Variants in TMEM132B observed in about 807,000 individuals in gnomAD.
TMEM132B encodes the protein transmembrane protein 132B.
A neutral mutation model predicts 90.8 loss-of-function variants in TMEM132B; 18 were observed. The observed-to-expected ratio is 0.20, with a 90% CI of 0.14 to 0.29. TMEM132B has a LOEUF of 0.29. Among genes scored for constraint, TMEM132B ranks in the 10% least tolerant of loss-of-function variants. TMEM132B has a pLI of 1.00. For missense variants in TMEM132B, 1,096 were observed against 1,326.8 expected (o/e 0.83, Z 2.70); for synonymous variants, 504 against 523.3 (o/e 0.96, Z 0.50).
At chr12:125,370,872 A>G (rs1878274049) in intron 2 of TMEM132B, among the ~76,000 whole-genome samples, 1 of 152,256 alleles carries the variant, frequency 6.6e-6, no homozygotes, top group Non-Finnish European at 1.5e-5. Context: ...GGACAGAACT[A>G]ATAGGATATA....
intron 1 of TMEM132B, among the ~76,000 whole-genome samples, chr12:125,329,506 C>T (rs1876699505): frequency 6.6e-6 from 1 of 152,226 alleles, no homozygotes; most frequent in Non-Finnish European, 1.5e-5. Flanking sequence ...TTCTCTAGAA[C>T]CCAAGCTCCC....
chr12:125,629,054 C>G (rs747787344), intron 5 of TMEM132B, among the ~76,000 whole-genome samples: 1 of 151,972 alleles, frequency 6.6e-6, no homozygotes, highest in Non-Finnish European at 1.5e-5. Flanking sequence ...TGCTATAGCT[C>G]TGTAGTATAA....
intron 1 of TMEM132B, among the ~76,000 whole-genome samples, chr12:125,235,515 GTTAC>G (rs1873914365): frequency 6.6e-6 from 1 of 151,116 alleles, no homozygotes; most frequent in South Asian, 2.1e-4. Context: ...ACCATTCAGT[GTTAC>G]TTAATACATT....
At chr12:125,587,913 G>T (rs968268723) in intron 5 of TMEM132B, 3 of 152,194 alleles carry the variant, frequency 2.0e-5, no homozygotes, top group African/African-American at 7.2e-5. Context: ...CAGGAGAAAT[G>T]ATTGAAGGAA....
intron 5 of TMEM132B, 95 bp downstream of exon 5, chr12:125,584,089 A>G: frequency 4.4e-6 from 7 of 1,582,806 alleles, no homozygotes; most frequent in Non-Finnish European, 5.2e-6. Context: ...TGAGCATCCC[A>G]TGCTCTAAAG....
intron 5 of TMEM132B, among the ~76,000 whole-genome samples, chr12:125,617,643 C>T (rs925887778): frequency 3.3e-5 from 5 of 152,166 alleles, no homozygotes; most frequent in Non-Finnish European, 5.9e-5. Flanking sequence ...CCATGCCTGG[C>T]CTTCACTGCC....
chr12:125,553,932 A>G (rs1468158744), intron 4 of TMEM132B, among the ~76,000 whole-genome samples: 4 of 152,180 alleles, frequency 2.6e-5, no homozygotes, highest in African/African-American at 9.7e-5. Context: ...GTTCAATATT[A>G]ATAATGAATG....
intron 1 of TMEM132B, among the ~76,000 whole-genome samples, chr12:125,225,262 G>C (rs1873651295): frequency 6.6e-6 from 1 of 152,226 alleles, no homozygotes; most frequent in African/African-American, 2.4e-5. Context: ...AGCAGGGTGA[G>C]AGGTTACTGG....
intron 4 of TMEM132B, among the ~76,000 whole-genome samples, chr12:125,541,543 G>A (rs1357216420): frequency 6.6e-6 from 1 of 152,044 alleles, no homozygotes; most frequent in South Asian, 2.1e-4. Context: ...AATAAAGGTA[G>A]GTAGATTTCA....
rs1465140736 is a variant in TMEM132B at position 125,660,542 on chromosome 12, T to C, written c.*5832T>C. On this transcript the variant is annotated 3_prime_UTR_variant, in exon 9 of 9. Coordinates refer to ENST00000682704, the MANE Select transcript of TMEM132B (RefSeq NM_001366854.1). Reference sequence around the variant, plus strand: ...TTTTTTTGTTGTTTGCTTTTAGAAATTTTTAAAAATACAAAAAAAAAGCGC... The same window carrying C: ...TTTTTTTGTTGTTTGCTTTTAGAAACTTTTAAAAATACAAAAAAAAAGCGC... The C allele has an allele frequency of 2.0e-5, 3 of 149,608 alleles. No individual in the cohort carries two copies. Among genetic ancestry groups the C allele is most frequent in the Non-Finnish European group, 4.4e-5 (3 of 67,822 alleles). 9.3% of individuals were successfully genotyped at this position (149,608 alleles called of 1,614,324 possible).
At chr12:125,588,282 G>T (rs950366744) in intron 5 of TMEM132B, 4 of 152,152 alleles carry the variant, frequency 2.6e-5, no homozygotes, top group Admixed American at 2.0e-4. Flanking sequence ...CTTTTCTAGA[G>T]ATTTGTTCTA....
intron 1 of TMEM132B, among the ~76,000 whole-genome samples, chr12:125,234,163 G>T (rs974427841): frequency 1.3e-5 from 2 of 152,138 alleles, no homozygotes; most frequent in African/African-American, 2.4e-5. Context: ...TGTGGCCAGG[G>T]ATAGTGCTGG....
chr12:125,640,570 C>T (rs1322775207), intron 5 of TMEM132B, among the ~76,000 whole-genome samples: 1 of 152,062 alleles, frequency 6.6e-6, no homozygotes, highest in Non-Finnish European at 1.5e-5. Flanking sequence ...CCTGGTAGGC[C>T]CCTGTAAGGT....
chr12:125,335,495 C>G (rs1431318047), intron 1 of TMEM132B, among the ~76,000 whole-genome samples: 1 of 152,110 alleles, frequency 6.6e-6, no homozygotes, highest in Non-Finnish European at 1.5e-5. Flanking sequence ...GGGCAAATGC[C>G]CTATCATAGA....
At chr12:125,201,945 T>A (rs949807906) in intron 1 of TMEM132B, among the ~76,000 whole-genome samples, 7 of 152,250 alleles carry the variant, frequency 4.6e-5, no homozygotes, top group Admixed American at 2.0e-4. Flanking sequence ...TGTCATATGA[T>A]AGAGCTTGTC....
chr12:125,313,350 C>G lies in TMEM132B; in HGVS notation c.68-36102C>G, dbSNP rs7300297. Among the ~76,000 whole-genome samples the G allele has an allele frequency of 5.9e-5, 9 of 152,052 alleles. No homozygotes were observed. The South Asian group carries it at 1.7e-3, about 28-fold the overall frequency. On this transcript the variant is annotated intron_variant, in intron 1 of 8. Transcript: ENST00000682704. ...TTAGTTATATGATGCACATATTTCT[C>G]TTTTCCTTTTCCTTTCCTTTCTTTC...
At chr12:125,505,183 A>AAAAC (rs1882810985) in intron 3 of TMEM132B, among the ~76,000 whole-genome samples, 3 of 143,548 alleles carry the variant, frequency 2.1e-5, no homozygotes, top group African/African-American at 7.9e-5. Flanking sequence ...AAAAAAAAAA[A>AAAAC]AAAAAAAAAA....
intron 2 of TMEM132B, among the ~76,000 whole-genome samples, chr12:125,394,173 A>T (rs1221463354): frequency 6.6e-6 from 1 of 152,218 alleles, no homozygotes; most frequent in African/African-American, 2.4e-5. Context: ...GACATCAGTG[A>T]GGTGGCTACT....
intron 5 of TMEM132B, among the ~76,000 whole-genome samples, chr12:125,605,611 A>G (rs1344406447): frequency 6.6e-6 from 1 of 152,182 alleles, no homozygotes; most frequent in African/African-American, 2.4e-5. Context: ...CTTAATTTTC[A>G]GTGGGCGTCT....
Sources: gnomAD v4.1 joint callset for allele counts (sites outside exome capture counted in the v4.1 genomes callset) on GRCh38, gnomAD v4.1.1 for gene constraint, MANE v1.5 for transcripts, NCBI Gene and HGNC (gene_info 2026-07-23, HGNC 2026-07-21) for gene names.